The following PEAR1 variants were observed in gnomAD, a reference collection of about 807,000 sequenced individuals.
The protein encoded by PEAR1 is platelet endothelial aggregation receptor 1, also known as multiple EGF-like domains protein 12.
In PEAR1, 113 loss-of-function variants were observed where a neutral mutation model predicts 131.2. The observed-to-expected ratio is 0.86, with a 90% CI of 0.74 to 1.01. The LOEUF (loss-of-function observed/expected upper bound fraction) is 1.01, where lower values mean the gene tolerates loss of function less well. Among genes scored for constraint, PEAR1 ranks in the 50% least tolerant of loss-of-function variants. The pLI, the probability that PEAR1 is intolerant of heterozygous loss-of-function variation, is 0.00. For synonymous variants in PEAR1, 565 were observed against 523.3 expected (o/e 1.08, Z -1.09); for missense variants, 1,408 against 1,391.1 (o/e 1.01, Z -0.19).
Position 156,912,264 on chromosome 1 carries a change from T to TG in PEAR1, c.1973dup (p.Glu659ArgfsTer45). 1 of 1,613,432 alleles carries TG rather than the reference T, an allele frequency of 6.2e-7. No homozygotes were observed. The highest frequency in any genetic ancestry group is 8.5e-7 in the Non-Finnish European group (1 of 1,179,786). ...TCCCGTAGCATGCCCTCCAGGACAC[T>TG]GGGGAGAAAACTGTGCCCAGACCTG... On this transcript the variant is annotated frameshift_variant, in exon 16 of 23. Coordinates refer to ENST00000292357, the MANE Select transcript of PEAR1 (RefSeq NM_001080471.3). LOFTEE classifies it high-confidence loss of function.
intron 1 of PEAR1, among the ~76,000 whole-genome samples, chr1:156,897,036 C>A (rs1355498729): frequency 6.6e-6 from 1 of 152,234 alleles, no homozygotes; most frequent in Non-Finnish European, 1.5e-5. Flanking sequence ...CTGAGCATCT[C>A]TCCCTCTCTC....
chr1:156,903,506 C>T (rs966713883), intron 1 of PEAR1, among the ~76,000 whole-genome samples: 11 of 152,114 alleles, frequency 7.2e-5, no homozygotes, highest in Non-Finnish European at 1.6e-4. Flanking sequence ...ATGAAACGCA[C>T]TGGGTCCCTG....
rs772603841 is a variant in PEAR1, at chr1:156,909,874, C to A, written c.1535C>A (p.Thr512Asn). 136 of 1,611,160 alleles carry A rather than the reference C, an allele frequency of 8.4e-5. No individual in the cohort carries two copies. Among genetic ancestry groups the A allele is most frequent in the Middle Eastern group, 6.6e-4 (4 of 6,062 alleles). ...CCCCAAACTGGAGCCTGTACCTGCA[C>A]CCCTGGGTGGCATGGGGCCCACTGC... ...CSPQTGACTC[T>N]PGWHGAHCQL... The change falls in exon 12 of 23, where the codon ACC (threonine) becomes AAC (asparagine). Residue 512 changes from threonine to asparagine, a missense_variant. Thr to Asn is a moderately conservative substitution (Grantham distance 65). Transcript: ENST00000292357.
In PEAR1 at chr1:156,908,060, C is replaced by T. The variant is rs1486197022; in HGVS notation, c.902+9C>T. 2.4e-6 allele frequency: 2 copies of T among 825,326 alleles called. No homozygotes were observed. The highest frequency in any genetic ancestry group is 3.9e-6 in the Non-Finnish European group (2 of 516,728). 51.1% of individuals were successfully genotyped at this position (825,326 alleles called of 1,614,324 possible). A position where few individuals can be genotyped will look rare whatever the true frequency, so the allele number is the denominator to read the frequency against. On this transcript the variant is annotated intron_variant, in intron 8 of 22. Transcript: ENST00000292357. This position sits in a 1 kb window ranked among gnomAD's most constrained non-coding sequence, Gnocchi z 4.2. ...GGTTACACTGGGGATCGGTGAGTGG[C>T]GTGGGGCGGGCGGGAGACGGGAGGG...
rs1368694849 is a variant in PEAR1 at position 156,906,884 on chromosome 1, T to C, written c.644+4T>C. 5.6e-6 allele frequency: 9 copies of C among 1,613,122 alleles called. No homozygotes were observed. In the Admixed American group the frequency reaches 1.2e-4, roughly 21 times the overall value. Reference sequence around the variant, plus strand: ...CCGCAGAGAGAACTGGGCCCAGGTATGTAATGGGGGGAACGACACTTTAAC... The same window carrying C: ...CCGCAGAGAGAACTGGGCCCAGGTACGTAATGGGGGGAACGACACTTTAAC... On this transcript the variant is annotated splice_donor_region_variant and intron_variant, in intron 6 of 22. Coordinates refer to ENST00000292357, the MANE Select transcript of PEAR1 (RefSeq NM_001080471.3).
chr1:156,908,980 CA>C lies in PEAR1; in HGVS notation c.1356del (p.Cys453ValfsTer232). On this transcript the variant is annotated frameshift_variant, in exon 11 of 23. Coordinates refer to ENST00000292357, the MANE Select transcript of PEAR1 (RefSeq NM_001080471.3). LOFTEE classifies it high-confidence loss of function. The surrounding 1 kb of genome is among the most constrained non-coding windows in gnomAD (Gnocchi z 4.2). ...GGTGTCAACTGTTCTGCACGCTGCT[CA>C]TGTGAAAATGCCATCGCCTGCTCAC... ...TYGVNCSARC[S>X]CENAIACSPI... 6.2e-7 allele frequency: 1 copy of C among 1,614,048 alleles called. No homozygotes were observed. The highest frequency in any genetic ancestry group is 8.5e-7 in the Non-Finnish European group (1 of 1,179,958).
intron 15 of PEAR1, among the ~76,000 whole-genome samples, chr1:156,911,084 T>TC (rs1459985406): frequency 2.9e-4 from 38 of 132,550 alleles, no homozygotes; most frequent in African/African-American, 1.0e-3. Flanking sequence ...TTTCTTTCTT[T>TC]CTTTCTTTCC....
At chr1:156,907,754 C>T (rs753810412) in intron 7 of PEAR1, 24 bp downstream of exon 7, 32 of 1,593,396 alleles carry the variant, frequency 2.0e-5, no homozygotes, top group Non-Finnish European at 2.7e-5. Context: ...GGCCTGTGGG[C>T]ATGGGGTGTG....
intron 15 of PEAR1, 145 bp from the exon 16 acceptor site, chr1:156,912,102 G>A: frequency 9.8e-7 from 1 of 1,018,106 alleles, no homozygotes; most frequent in Non-Finnish European, 1.4e-6. Flanking sequence ...TCATTTGTGA[G>A]TCATTGGTTG....
chr1:156,896,147 C>T lies in PEAR1; in HGVS notation c.-10+2310C>T, dbSNP rs74116907. Among the ~76,000 whole-genome samples the T allele has an allele frequency of 6.7e-3, 1,017 of 152,306 alleles. 10 individuals carry two copies. Among genetic ancestry groups the T allele is most frequent in the African/African-American group, 0.023 (958 of 41,552 alleles). On this transcript the variant is annotated intron_variant, in intron 1 of 22. Transcript: ENST00000292357. ...ATAGACCTGGCCCAAATCCCTGCTC[C>T]GGCTTCAGTTGCCTGTGTGGCCTAG...
At position 156,902,059 on chromosome 1, in the gene PEAR1, G is replaced by C. The variant is rs1335164956; in HGVS notation, c.-9-1859G>C. The C allele has an allele frequency of 1.3e-5, 2 of 152,242 alleles. No homozygotes were observed. Among genetic ancestry groups the C allele is most frequent in the African/African-American group, 4.8e-5 (2 of 41,422 alleles). The allele number at this position is 152,242 out of a possible 1,614,324, so 9.4% of individuals were successfully genotyped here. Reference sequence around the variant, plus strand: ...TGTCAGCTCTGGAGACAAGCTGCCAGAAAGAGGCTTCTGGTCATGGCCCTC... The same window carrying C: ...TGTCAGCTCTGGAGACAAGCTGCCACAAAGAGGCTTCTGGTCATGGCCCTC... On this transcript the variant is annotated intron_variant, in intron 1 of 22. Transcript: ENST00000292357. The surrounding 1 kb of genome is among the most constrained non-coding windows in gnomAD (Gnocchi z 4.3).
rs770290249 is a variant in PEAR1, at chr1:156,908,965, G to A, written c.1340G>A (p.Cys447Tyr). ...CCTCCTGACACCTACGGTGTCAACT[G>A]TTCTGCACGCTGCTCATGTGAAAAT... is the stretch of plus-strand genomic sequence containing the variant. The part of the protein sequence containing the change: ...LCPPDTYGVN[C>Y]SARCSCENAI... The change falls in exon 11 of 23, where the codon TGT (cysteine) becomes TAT (tyrosine). Residue 447 changes from cysteine to tyrosine, a missense_variant. Transcript: ENST00000292357. The surrounding 1 kb of genome is among the most constrained non-coding windows in gnomAD (Gnocchi z 4.2). The A allele has an allele frequency of 1.2e-6, 2 of 1,613,908 alleles. No individual in the cohort carries two copies. Among genetic ancestry groups the A allele is most frequent in the African/African-American group, 2.7e-5 (2 of 74,930 alleles).
At position 156,906,279 on chromosome 1, in the gene PEAR1, T is replaced by G; in HGVS notation, c.311T>G (p.Leu104Arg). The G allele has an allele frequency of 1.2e-6, 2 of 1,614,150 alleles. No homozygotes were observed. The highest frequency in any genetic ancestry group is 2.2e-5 in the South Asian group (2 of 91,084). ...ACCACACCCATCTCTGTCCCAGCGC[T>G]CTGTGCCCAGGAGTGTGTCCATGGC... ...FYESRGFCVP[L>R]CAQECVHGRC... is the part of the protein sequence containing the mutation. The change falls in exon 5 of 23, where the codon CTC becomes CGC. Residue 104 changes from leucine (L) to arginine (R), a missense_variant. Coordinates refer to ENST00000292357, the MANE Select transcript of PEAR1 (RefSeq NM_001080471.3).
chr1:156,901,950 G>T (rs964244880), intron 1 of PEAR1, among the ~76,000 whole-genome samples: 1 of 152,106 alleles, frequency 6.6e-6, no homozygotes, highest in Non-Finnish European at 1.5e-5. Flanking sequence ...TGGGTGATGT[G>T]GGGGTGGAGC....
At chr1:156,896,994 A>T (rs1649229951) in intron 1 of PEAR1, among the ~76,000 whole-genome samples, 1 of 152,124 alleles carries the variant, frequency 6.6e-6, no homozygotes, top group African/African-American at 2.4e-5. Flanking sequence ...GCCCAGCTCT[A>T]CTGTCTGGAG....
rs749815250 is a variant in PEAR1 at position 156,909,772 on chromosome 1, C to G, written c.1433C>G (p.Ser478Cys). 5 of 1,612,646 alleles carry G rather than the reference C, an allele frequency of 3.1e-6. No homozygotes were observed. The highest frequency in any genetic ancestry group is 4.2e-6 in the Non-Finnish European group (5 of 1,179,080). ...CKEGWQRGNC[S>C]VPCPPGTWGF... is the part of the protein sequence containing the mutation. Reference sequence around the variant, plus strand: ...CCAGGTTGGCAGCGTGGTAACTGCTCTGTGCCCTGCCCACCCGGAACCTGG... The same window carrying G: ...CCAGGTTGGCAGCGTGGTAACTGCTGTGTGCCCTGCCCACCCGGAACCTGG... The change falls in exon 12 of 23, where the codon TCT becomes TGT. Residue 478 changes from serine to cysteine, a missense_variant. Physicochemically the swap from Ser to Cys is moderately radical, Grantham distance 112. Transcript: ENST00000292357.
In PEAR1 at chr1:156,916,213, G is replaced by C. The variant is rs889534479; in HGVS notation, c.*1415G>C. 2 of 152,208 alleles carry C rather than the reference G, an allele frequency of 1.3e-5. No individual in the cohort carries two copies. Among genetic ancestry groups the C allele is most frequent in the Non-Finnish European group, 2.9e-5 (2 of 68,046 alleles). The allele number at this position is 152,208 out of a possible 1,614,324, so 9.4% of individuals were successfully genotyped here. On this transcript the variant is annotated 3_prime_UTR_variant, in exon 23 of 23. Transcript: ENST00000292357. ...GAAATTGAAGATTTGTGTCAACACT[G>C]CTTTAAGCAAATCTGTTGGCACCAT...
In PEAR1 at chr1:156,908,527, C is replaced by G. The variant is rs1331212275; in HGVS notation, c.1116-128C>G. The G allele has an allele frequency of 8.3e-7, 1 of 1,204,418 alleles. No individual in the cohort carries two copies. The highest frequency in any genetic ancestry group is 1.1e-6 in the Non-Finnish European group (1 of 888,046). 74.6% of individuals were successfully genotyped at this position (1,204,418 alleles called of 1,614,324 possible). On this transcript the variant is annotated intron_variant, in intron 9 of 22. Coordinates refer to ENST00000292357, the MANE Select transcript of PEAR1 (RefSeq NM_001080471.3). The surrounding 1 kb of genome is among the most constrained non-coding windows in gnomAD (Gnocchi z 4.2). Reference sequence around the variant, plus strand: ...TGCCCCAACCCAGTTTTCAGAATAGCGCGGAGCCTCCCTAGTGACCCCCTT... The same window carrying G: ...TGCCCCAACCCAGTTTTCAGAATAGGGCGGAGCCTCCCTAGTGACCCCCTT...
intron 18 of PEAR1, 104 bp downstream of exon 18, chr1:156,913,086 G>A (rs1651432006): frequency 5.1e-6 from 8 of 1,555,560 alleles, no homozygotes; most frequent in Middle Eastern, 1.7e-4. Flanking sequence ...GGGGAGGAGG[G>A]AGGAAGGGAG....
Sources: allele counts gnomAD v4.1 joint callset (sites outside exome capture counted in the v4.1 genomes callset), GRCh38; gene constraint gnomAD v4.1.1; non-coding constraint Gnocchi (gnomAD v3.1); transcripts MANE v1.5; gene names NCBI Gene and HGNC (gene_info 2026-07-23, HGNC 2026-07-21).